EVC2: variants seen among roughly 807,000 people sequenced by gnomAD.
The protein encoded by EVC2 is limbin.
In EVC2, 148 loss-of-function variants were observed where a neutral mutation model predicts 149.3. That is an observed-to-expected ratio of 0.99 (90% CI 0.87 to 1.14). The LOEUF is 1.14. EVC2 is among the 50% of genes most tolerant of loss of function. The pLI is 0.00. For synonymous variants in EVC2, 776 were observed against 649.9 expected, an observed-to-expected ratio of 1.19 and a Z score of -2.95; for missense variants, 1,854 against 1,627.3, an observed-to-expected ratio of 1.14 and a Z score of -2.40.
In EVC2 at chr4:5,685,536, A is replaced by G. The variant is rs998092; in HGVS notation, c.707-57T>C. On this transcript the variant is annotated intron_variant, in intron 5 of 21. Transcript: ENST00000344408. ...AGGGCTTGGCCACGCCCCCGGCTGC[A>G]CCCCACCACACCCCAGACACATCCT... 0.67 allele frequency: 980,716 copies of G among 1,461,150 alleles called. 329,270 individuals carry two copies. Among genetic ancestry groups the G allele is most frequent in the East Asian group, 0.74 (32,251 of 43,578 alleles). The allele number at this position is 1,461,150 out of a possible 1,614,324, so 90.5% of individuals were successfully genotyped here. A position where few individuals can be genotyped will look rare whatever the true frequency, so the allele number is the denominator to read the frequency against.
chr4:5,650,665 A>G (rs867846746), intron 9 of EVC2, among the ~76,000 whole-genome samples: 1 of 143,532 alleles, frequency 7.0e-6, no homozygotes, highest in African/African-American at 2.5e-5. Flanking sequence ...AGAGAGAGAG[A>G]GAGAGAGCCA....
intron 21 of EVC2, among the ~76,000 whole-genome samples, chr4:5,548,268 T>C (rs923262845): frequency 1.3e-5 from 2 of 151,688 alleles, no homozygotes; most frequent in Non-Finnish European, 2.9e-5. Context: ...CCACAGAGAT[T>C]TCCAGCCAGA....
intron 4 of EVC2, 114 bp from the exon 5 acceptor site, chr4:5,689,457 C>A (rs537285638): frequency 2.8e-6 from 3 of 1,058,136 alleles, no homozygotes; most frequent in Admixed American, 1.9e-5. Flanking sequence ...GAGGGTAGCA[C>A]GGTCTCGCAG....
At chr4:5,555,961 C>T (rs752193864) in intron 21 of EVC2, among the ~76,000 whole-genome samples, 4 of 151,976 alleles carry the variant, frequency 2.6e-5, no homozygotes, top group East Asian at 1.9e-4. Flanking sequence ...AGGCGGATCA[C>T]GAGGTCAGGA....
In EVC2 at chr4:5,652,902, T is replaced by C. The variant is rs149204626; in HGVS notation, c.1145+10205A>G. 2.6e-4 allele frequency among the ~76,000 whole-genome samples: 39 copies of C among 152,296 alleles called. No individual in the cohort carries two copies. In the East Asian group the frequency reaches 7.3e-3, roughly 29 times the overall value. On this transcript the variant is annotated intron_variant, in intron 9 of 21. Coordinates refer to ENST00000344408, the MANE Select transcript of EVC2 (RefSeq NM_147127.5). Reference sequence around the variant, plus strand: ...TACTTTCCTATGTAGCCAAGTACCATCAGCTAGATGGCTTAGAACAACAAA... The same window carrying C: ...TACTTTCCTATGTAGCCAAGTACCACCAGCTAGATGGCTTAGAACAACAAA...
intron 7 of EVC2, 147 bp from the exon 8 acceptor site, chr4:5,665,796 CTGCCT>C: frequency 2.3e-6 from 3 of 1,312,152 alleles, no homozygotes; most frequent in South Asian, 1.3e-5. Context: ...TACCAGCTGG[CTGCCT>C]GGAGGCCCTC....
Position 5,640,549 on chromosome 4 carries a change from C to T in EVC2, c.1435G>A (p.Glu479Lys), listed in dbSNP as rs1208549875. The T allele has an allele frequency of 1.2e-6, 2 of 1,614,188 alleles. No individual in the cohort carries two copies. The highest frequency in any genetic ancestry group is 1.7e-6 in the Non-Finnish European group (2 of 1,180,040). ...GCACGTTTCAGCAACTCTTCTGCTT[C>T]CTCCATTGCCATCATCTCTCTCTGG... ...QYQREMMAMEEAEELLKRAGE... is the reference protein window; with the variant it reads ...QYQREMMAMEKAEELLKRAGE... The change falls in exon 10 of 22, where the codon GAA (glutamate) becomes AAA (lysine). Residue 479 changes from glutamate to lysine, a missense_variant. Coordinates refer to ENST00000344408, the MANE Select transcript of EVC2 (RefSeq NM_147127.5). The surrounding 1 kb of genome is among the most constrained non-coding windows in gnomAD (Gnocchi z 4.6).
chr4:5,623,453 C>T (rs1577171968), intron 13 of EVC2, among the ~76,000 whole-genome samples: 1 of 152,024 alleles, frequency 6.6e-6, no homozygotes, highest in East Asian at 1.9e-4. Flanking sequence ...GATTCTGCTG[C>T]CTCTGCCTCC....
chr4:5,609,735 G>A (rs1397848912), intron 16 of EVC2, among the ~76,000 whole-genome samples: 1 of 152,182 alleles, frequency 6.6e-6, no homozygotes. Flanking sequence ...GGAAATAACC[G>A]CCATTGTTTG....
intron 5 of EVC2, among the ~76,000 whole-genome samples, chr4:5,688,800 A>C (rs1720900455): frequency 1.3e-5 from 2 of 152,184 alleles, no homozygotes; most frequent in African/African-American, 4.8e-5. Flanking sequence ...GTGATGGTTA[A>C]TTTTGGTGAT....
intron 9 of EVC2, among the ~76,000 whole-genome samples, chr4:5,653,578 CTG>C (rs1436005744): frequency 6.6e-6 from 1 of 152,128 alleles, no homozygotes; most frequent in African/African-American, 2.4e-5. Flanking sequence ...GTCTTTTCCT[CTG>C]GACAGAAAAG....
At position 5,625,779 on chromosome 4, in the gene EVC2, T is replaced by G. The variant is rs1716063588; in HGVS notation, c.2016A>C (p.Ile672=). 6.2e-7 allele frequency: 1 copy of G among 1,614,050 alleles called. No homozygotes were observed. The highest frequency in any genetic ancestry group is 8.5e-7 in the Non-Finnish European group (1 of 1,180,054). Residue 672 remains isoleucine (I), a synonymous_variant, in exon 13 of 22, where the codon ATA becomes ATC. Coordinates refer to ENST00000344408, the MANE Select transcript of EVC2 (RefSeq NM_147127.5). This position sits in a 1 kb window ranked among gnomAD's most constrained non-coding sequence, Gnocchi z 4.0. ...GTAGCAACTCTCGTCTTCTCTTAGTTATTAATTTTTGGTGGAGCTTTTTCT... is the reference window on the plus strand; with the variant it reads ...GTAGCAACTCTCGTCTTCTCTTAGTGATTAATTTTTGGTGGAGCTTTTTCT... ...QEKKKLHQKL[I]TKRRRELLQK...
At chr4:5,545,933 C>A (rs1331577246) in intron 21 of EVC2, among the ~76,000 whole-genome samples, 1 of 152,194 alleles carries the variant, frequency 6.6e-6, no homozygotes, top group Non-Finnish European at 1.5e-5. Flanking sequence ...GAAAAGAAGA[C>A]ATTTATGCAG....
Position 5,677,620 on chromosome 4 carries a change from C to T in EVC2, c.870+3640G>A, listed in dbSNP as rs1237164194. ...GTGAGCCTGCGGCATCGGGGAAGAG[C>T]TCAGAAATACCCTTACATGAGCATT... On this transcript the variant is annotated intron_variant, in intron 7 of 21. Transcript: ENST00000344408. The surrounding 1 kb of genome is among the most constrained non-coding windows in gnomAD (Gnocchi z 4.3). Among the ~76,000 whole-genome samples the T allele has an allele frequency of 6.6e-6, 1 of 152,238 alleles. No individual in the cohort carries two copies. Among genetic ancestry groups the T allele is most frequent in the Non-Finnish European group, 1.5e-5 (1 of 68,038 alleles).
rs1451430840 is a variant in EVC2 at position 5,553,481 on chromosome 4, A to T, written c.3420-10269T>A. On this transcript the variant is annotated intron_variant and NMD_transcript_variant, in intron 21 of 22. Coordinates refer to the EVC2 transcript ENST00000475313. ...GTGGGAATACATGAACTCTGGACTTAACCATGACAAGGGCTAAAAACCAAG... is the reference window on the plus strand; with the variant it reads ...GTGGGAATACATGAACTCTGGACTTTACCATGACAAGGGCTAAAAACCAAG... 4.6e-5 allele frequency among the ~76,000 whole-genome samples: 7 copies of T among 152,290 alleles called. No individual in the cohort carries two copies. In the East Asian group the frequency reaches 1.4e-3, roughly 29 times the overall value.
intron 21 of EVC2, among the ~76,000 whole-genome samples, chr4:5,564,585 G>C (rs1419537964): frequency 2.0e-5 from 3 of 152,154 alleles, no homozygotes. Flanking sequence ...ACTGTTTCTG[G>C]ACTACACACT....
intron 1 of EVC2, among the ~76,000 whole-genome samples, chr4:5,699,642 C>CAAAAAAAAAA (rs773633372): frequency 9.0e-6 from 1 of 111,708 alleles, no homozygotes; most frequent in African/African-American, 3.6e-5. Flanking sequence ...TCCATCTCTA[C>CAAAAAAAAAA]AAAAAAAAAA....
At chr4:5,600,924 T>C (rs753334323) in intron 16 of EVC2, among the ~76,000 whole-genome samples, 2 of 152,208 alleles carry the variant, frequency 1.3e-5, no homozygotes, top group African/African-American at 4.8e-5. Context: ...CTCAGGCACA[T>C]CTGAAAACAC....
Position 5,618,371 on chromosome 4 carries a change from G to T in EVC2, c.2706+107C>A. On this transcript the variant is annotated intron_variant, in intron 15 of 21. Transcript: ENST00000344408. This position sits in a 1 kb window ranked among gnomAD's most constrained non-coding sequence, Gnocchi z 4.4. ...CAGCCAGAGAGGAGAGGATAGGGGAGCATGAGGTGAGATGGGCTCAGGCTG... is the reference window on the plus strand; with the variant it reads ...CAGCCAGAGAGGAGAGGATAGGGGATCATGAGGTGAGATGGGCTCAGGCTG... 1 of 1,230,102 alleles carries T rather than the reference G, an allele frequency of 8.1e-7. No individual in the cohort carries two copies. The allele number at this position is 1,230,102 out of a possible 1,614,324, so 76.2% of individuals were successfully genotyped here. A position where few individuals can be genotyped will look rare whatever the true frequency, so the allele number is the denominator to read the frequency against.
Sources: gnomAD v4.1 joint callset for allele counts (sites outside exome capture counted in the v4.1 genomes callset) on GRCh38, gnomAD v4.1.1 for gene constraint, Gnocchi (gnomAD v3.1) non-coding constraint, MANE v1.5 for transcripts, NCBI Gene and HGNC (gene_info 2026-07-23, HGNC 2026-07-21) for gene names.